SEPTIN14: variants seen among roughly 807,000 people sequenced by gnomAD.
The protein encoded by SEPTIN14 is septin 14.
A neutral mutation model predicts 53.6 loss-of-function variants in SEPTIN14; 40 were observed. The ratio of observed to expected loss-of-function variants is 0.75; its 90% CI spans 0.58 to 0.97. SEPTIN14 has a LOEUF of 0.97. Among genes scored for constraint, SEPTIN14 ranks in the 50% least tolerant of loss-of-function variants. The pLI, the probability that SEPTIN14 is intolerant of heterozygous loss-of-function variation, is 0.00. For missense variants in SEPTIN14, 471 were observed against 508.2 expected (o/e 0.93, Z 0.70); for synonymous variants, 138 against 166.8 (o/e 0.83, Z 1.33).
intron 6 of SEPTIN14, among the ~76,000 whole-genome samples, chr7:55,825,965 G>A (rs1161257724): frequency 6.6e-6 from 1 of 152,118 alleles, no homozygotes; most frequent in East Asian, 1.9e-4. Flanking sequence ...AGCTGGGCGT[G>A]GTGGCAGGCG....
intron 6 of SEPTIN14, among the ~76,000 whole-genome samples, chr7:55,822,483 T>A (rs547403050): frequency 6.6e-6 from 1 of 151,978 alleles, no homozygotes; most frequent in East Asian, 1.9e-4. Flanking sequence ...GAAGACATAC[T>A]ATTCAACCTC....
chr7:55,854,482 T>C (rs1759367857), intron 2 of SEPTIN14, among the ~76,000 whole-genome samples: 1 of 151,892 alleles, frequency 6.6e-6, no homozygotes, highest in African/African-American at 2.4e-5. Flanking sequence ...CAGGTTGGAG[T>C]GCAGTAGTGC....
At chr7:55,803,565 T>C (rs1584250535) in intron 9 of SEPTIN14, among the ~76,000 whole-genome samples, 1 of 152,196 alleles carries the variant, frequency 6.6e-6, no homozygotes, top group African/African-American at 2.4e-5. Flanking sequence ...CTAATAGTTA[T>C]GTGTTCAAAG....
At chr7:55,849,935 T>TG (rs983526120) in intron 2 of SEPTIN14, among the ~76,000 whole-genome samples, 1 of 151,918 alleles carries the variant, frequency 6.6e-6, no homozygotes, top group Admixed American at 6.6e-5. Context: ...TAAATTTCAT[T>TG]GGGAAAAAAA....
At chr7:55,817,474 A>T (rs753956448) in intron 7 of SEPTIN14, among the ~76,000 whole-genome samples, 117 of 135,926 alleles carry the variant, frequency 8.6e-4, no homozygotes, top group Middle Eastern at 3.8e-3. Flanking sequence ...ATATATATAT[A>T]TATTTTTTTT....
chr7:55,840,614 C>T (rs1383801999), intron 5 of SEPTIN14, among the ~76,000 whole-genome samples: 2 of 152,120 alleles, frequency 1.3e-5, no homozygotes, highest in Non-Finnish European at 2.9e-5. Flanking sequence ...CATCTTCTGA[C>T]ACCTTGATCT....
intron 6 of SEPTIN14, among the ~76,000 whole-genome samples, chr7:55,830,349 A>ATATATATATATATTTTTTTTTTTTT (rs71015108): frequency 1.8e-5 from 1 of 56,848 alleles, no homozygotes; most frequent in African/African-American, 1.0e-4. Context: ...ATATATATAT[A>ATATATATATATATTTTTTTTTTTTT]TTTTTTTTTT....
At chr7:55,807,392 T>G in intron 7 of SEPTIN14, 134 bp from the exon 8 acceptor site, 1 of 579,992 alleles carries the variant, frequency 1.7e-6, no homozygotes. Flanking sequence ...TTAATAGCTA[T>G]AATTCTTTTA....
At chr7:55,843,211 T>C (rs990520954) in intron 4 of SEPTIN14, 83 bp from the exon 5 acceptor site, 3 of 757,860 alleles carry the variant, frequency 4.0e-6, no homozygotes, top group African/African-American at 3.5e-5. Flanking sequence ...GCAGTTAACA[T>C]GTATGTAAGC....
chr7:55,815,505 T>C (rs1788776316), intron 7 of SEPTIN14, among the ~76,000 whole-genome samples: 1 of 152,152 alleles, frequency 6.6e-6, no homozygotes, highest in African/African-American at 2.4e-5. Flanking sequence ...ACAAATGTCT[T>C]CTTTTGTCTT....
At chr7:55,811,496 CTTTTTTTTTTTTTT>C in intron 7 of SEPTIN14, 1 of 180,232 alleles carries the variant, frequency 5.5e-6, no homozygotes, top group Non-Finnish European at 1.0e-5. Flanking sequence ...TTTTACAGTT[CTTTTTTTTTTTTTT>C]TTTTTTTTTG....
intron 2 of SEPTIN14, among the ~76,000 whole-genome samples, chr7:55,847,828 A>T (rs1789439852): frequency 6.6e-6 from 1 of 151,694 alleles, no homozygotes; most frequent in Admixed American, 6.6e-5. Flanking sequence ...TTAGAAATCC[A>T]TCAGTATTAC....
chr7:55,819,327 T>C (rs1029818210), intron 6 of SEPTIN14, 104 bp from the exon 7 acceptor site: 40 of 819,262 alleles, frequency 4.9e-5, no homozygotes, highest in Non-Finnish European at 7.6e-5. Flanking sequence ...CGGTGGCTCA[T>C]GCCTGTAATC....
chr7:55,830,458 C>T (rs1789090043), intron 6 of SEPTIN14, among the ~76,000 whole-genome samples: 1 of 149,156 alleles, frequency 6.7e-6, no homozygotes, highest in East Asian at 2.0e-4. Flanking sequence ...GCCATTCTGC[C>T]TCAGCCTCCC....
In SEPTIN14 at chr7:55,840,394, T is replaced by C. The variant is rs144601293; in HGVS notation, c.558+2548A>G. Among the ~76,000 whole-genome samples the C allele has an allele frequency of 3.4e-3, 510 of 151,034 alleles. 6 individuals are homozygous for C. The highest frequency in any genetic ancestry group is 0.012 in the African/African-American group (483 of 41,154). On this transcript the variant is annotated intron_variant, in intron 5 of 9. Coordinates refer to ENST00000388975, the MANE Select transcript of SEPTIN14 (RefSeq NM_207366.3). ...ATCCCAGCTACTCAGGAGGCTAAGA[T>C]AGGAGAACTGCTTGAACCCAGGAGG...
intron 9 of SEPTIN14, among the ~76,000 whole-genome samples, chr7:55,799,636 G>A (rs1335326496): frequency 6.6e-6 from 1 of 150,906 alleles, no homozygotes; most frequent in African/African-American, 2.4e-5. Context: ...GTCAAATGTT[G>A]TCATAAGAGA....
chr7:55,831,281 T>C (rs1278092098), intron 6 of SEPTIN14, among the ~76,000 whole-genome samples: 1 of 151,820 alleles, frequency 6.6e-6, no homozygotes, highest in Admixed American at 6.6e-5. Flanking sequence ...GAGAAAAAAA[T>C]TGTGAAAGAA....
intron 6 of SEPTIN14, 109 bp downstream of exon 6, chr7:55,834,316 G>T: frequency 2.9e-6 from 2 of 692,840 alleles, no homozygotes; most frequent in Non-Finnish European, 4.6e-6. Context: ...ACAAAGAATC[G>T]ATTCTCAGCA....
chr7:55,862,022 A>T lies in SEPTIN14; in HGVS notation c.-15-11T>A, dbSNP rs1270732499. ...GCTACACTAAAAGAGCTGGAAATTT[A>T]AAAAAATAAACATTTTTAAAAATTT... On this transcript the variant is annotated splice_polypyrimidine_tract_variant and intron_variant, in intron 1 of 9. Coordinates refer to ENST00000388975, the MANE Select transcript of SEPTIN14 (RefSeq NM_207366.3). The T allele has an allele frequency of 2.0e-6, 3 of 1,511,900 alleles. No individual in the cohort carries two copies. Among genetic ancestry groups the T allele is most frequent in the African/African-American group, 1.4e-5 (1 of 71,084 alleles). The allele number at this position is 1,511,900 out of a possible 1,614,324, so 93.7% of individuals were successfully genotyped here.
Sources: allele counts gnomAD v4.1 joint callset (sites outside exome capture counted in the v4.1 genomes callset), GRCh38; gene constraint gnomAD v4.1.1; transcripts MANE v1.5; gene names NCBI Gene and HGNC (gene_info 2026-07-23, HGNC 2026-07-21).